DOCK7: variants seen among roughly 807,000 people sequenced by gnomAD.
DOCK7 encodes the protein dedicator of cytokinesis 7.
In DOCK7, 138 loss-of-function variants were observed where a neutral mutation model predicts 271.0. That is an observed-to-expected ratio of 0.51 (90% CI 0.44 to 0.59). The LOEUF is 0.59. Ranked by LOEUF, DOCK7 falls within the 20% of genes least tolerant of loss-of-function variation. DOCK7 has a pLI of 0.00. For missense variants in DOCK7, 2,066 were observed against 2,592.4 expected, an observed-to-expected ratio of 0.80 and a Z score of 4.41; for synonymous variants, 823 against 876.1, an observed-to-expected ratio of 0.94 and a Z score of 1.07.
chr1:62,492,951 T>A, intron 40 of DOCK7, 104 bp from the exon 41 acceptor site: 1 of 928,408 alleles, frequency 1.1e-6, no homozygotes. Context: ...CAGGTTAGGT[T>A]AAAAAAAGGA....
rs2149320798 is a variant in DOCK7, at chr1:62,504,670, G to A, written c.4724C>T (p.Ser1575Phe). 1 of 1,613,886 alleles carries A rather than the reference G, an allele frequency of 6.2e-7. No individual in the cohort carries two copies. Among genetic ancestry groups the A allele is most frequent in the Admixed American group, 1.7e-5 (1 of 59,976 alleles). The change falls in exon 37 of 50, where the codon TCC (serine) becomes TTC (phenylalanine). Residue 1575 changes from serine (S) to phenylalanine (F), a missense_variant. Physicochemically the swap from Ser to Phe is radical, Grantham distance 155. Around this residue, in one of 2 missense-constraint regions of DOCK7, gnomAD observed 652 missense variants for 922.1 expected, o/e 0.71. Coordinates refer to ENST00000635253, the MANE Select transcript of DOCK7 (RefSeq NM_001367561.1). ...IGTIRSHASASLYLLMRQNFE... is the reference protein window; with the variant it reads ...IGTIRSHASAFLYLLMRQNFE... ...GTTTTGCCTCATTAGTAGGTAAAGG[G>A]AGGCACTGGCGTGTGACCGTATTGT...
At position 62,663,061 on chromosome 1, in the gene DOCK7, G is replaced by A. The variant is rs1658854116; in HGVS notation, c.108C>T (p.Asn36=). 6.2e-7 allele frequency: 1 copy of A among 1,612,748 alleles called. No homozygotes were observed. Among genetic ancestry groups the A allele is most frequent in the African/African-American group, 1.3e-5 (1 of 74,688 alleles). The change falls in exon 2 of 50, where the codon AAC becomes AAT. Residue 36 remains asparagine (N), a synonymous_variant. Transcript: ENST00000635253. ...QYSGSPQLLK[N]LNIVGNISHH... is the part of the protein sequence containing the mutation. ...GGGATATATTGCCAACAATATTAAG[G>A]TTTTTGAGCAGTTGGGGAGAACCAC... is the stretch of plus-strand genomic sequence containing the variant.
intron 48 of DOCK7, among the ~76,000 whole-genome samples, chr1:62,469,950 A>G (rs898795430): frequency 3.3e-5 from 5 of 151,838 alleles, no homozygotes; most frequent in Admixed American, 3.3e-4. Context: ...TGCGGTAAAA[A>G]GGGAATACTT....
chr1:62,649,773 C>A (rs1239731472), intron 4 of DOCK7, among the ~76,000 whole-genome samples: 1 of 152,132 alleles, frequency 6.6e-6, no homozygotes, highest in Non-Finnish European at 1.5e-5. Flanking sequence ...ACGGTTCCAG[C>A]CACACTGTCC....
At chr1:62,626,224 A>T (rs1485220693) in intron 11 of DOCK7, among the ~76,000 whole-genome samples, 1 of 152,176 alleles carries the variant, frequency 6.6e-6, no homozygotes, top group Admixed American at 6.5e-5. Flanking sequence ...AAGCATTGCT[A>T]AAGCAGTGCT....
Position 62,653,069 on chromosome 1 carries a change from C to T in DOCK7, c.389+656G>A, listed in dbSNP as rs2149691853. ...AATGCCGTATCAGAATTCTCCACTACTTCAATCATATCTCCTTCAGAAAAA... is the reference window on the plus strand; with the variant it reads ...AATGCCGTATCAGAATTCTCCACTATTTCAATCATATCTCCTTCAGAAAAA... On this transcript the variant is annotated intron_variant, in intron 4 of 49. Transcript: ENST00000635253. Among the ~76,000 whole-genome samples, 2 of 152,288 alleles carry T rather than the reference C, an allele frequency of 1.3e-5. 1 individual carries two copies. The highest frequency in any genetic ancestry group is 1.3e-4 in the Admixed American group (2 of 15,284).
chr1:62,534,764 T>C (rs1645287290), intron 29 of DOCK7, among the ~76,000 whole-genome samples: 1 of 152,102 alleles, frequency 6.6e-6, no homozygotes, highest in South Asian at 2.1e-4. Flanking sequence ...ATAGGGCAAT[T>C]TTTGAAATAA....
intron 29 of DOCK7, among the ~76,000 whole-genome samples, chr1:62,532,022 G>A (rs1645189808): frequency 1.3e-5 from 2 of 151,844 alleles, no homozygotes; most frequent in Admixed American, 6.6e-5. Flanking sequence ...TTACATGGCT[G>A]AGAATGATTG....
At chr1:62,640,621 C>T (rs1655902698) in intron 7 of DOCK7, among the ~76,000 whole-genome samples, 1 of 152,194 alleles carries the variant, frequency 6.6e-6, no homozygotes, top group South Asian at 2.1e-4. Flanking sequence ...GGAGCAAGGG[C>T]AACGCCTATA....
At chr1:62,509,971 G>A (rs972010815) in intron 34 of DOCK7, among the ~76,000 whole-genome samples, 3 of 152,120 alleles carry the variant, frequency 2.0e-5, no homozygotes, top group African/African-American at 7.2e-5. Context: ...CATTCTCAAA[G>A]TTTTATGGGC....
chr1:62,653,971 A>C lies in DOCK7; in HGVS notation c.320+13T>G. The C allele has an allele frequency of 4.4e-6, 7 of 1,606,874 alleles. No individual in the cohort carries two copies. The highest frequency in any genetic ancestry group is 5.9e-6 in the Non-Finnish European group (7 of 1,177,300). On this transcript the variant is annotated intron_variant, in intron 3 of 49. Transcript: ENST00000635253. ...GTTCCTCTAAAGCCAAAAATAAGTCAATGTCTCCTTACCTTTCTTCAGGTA... is the reference window on the plus strand; with the variant it reads ...GTTCCTCTAAAGCCAAAAATAAGTCCATGTCTCCTTACCTTTCTTCAGGTA...
At chr1:62,629,799 A>G (rs1273447069) in intron 11 of DOCK7, 1 of 152,250 alleles carries the variant, frequency 6.6e-6, no homozygotes, top group East Asian at 1.9e-4. Flanking sequence ...GCTAATCAAT[A>G]TAAGCAAGAG....
intron 17 of DOCK7, 147 bp from the exon 18 acceptor site, chr1:62,577,510 T>C: frequency 2.4e-6 from 1 of 408,676 alleles, no homozygotes; most frequent in Non-Finnish European, 4.4e-6. Context: ...ATAATAATAA[T>C]AGGCCTTCAT....
At chr1:62,489,922 C>T (rs1294862121) in intron 41 of DOCK7, among the ~76,000 whole-genome samples, 3 of 152,146 alleles carry the variant, frequency 2.0e-5, no homozygotes, top group Admixed American at 6.5e-5. Flanking sequence ...AATCACAAAT[C>T]TTTAACAAAG....
At chr1:62,553,341 T>TATTTTTTTTTTTTAA (rs1557706394) in intron 21 of DOCK7, among the ~76,000 whole-genome samples, 1 of 3,800 alleles carries the variant, frequency 2.6e-4, no homozygotes, top group East Asian at 6.2e-3. Context: ...TATATATATA[T>TATTTTTTTTTTTTAA]ATATATATAT....
chr1:62,539,532 A>G lies in DOCK7; in HGVS notation c.3300+13T>C. 1 of 1,566,438 alleles carries G rather than the reference A, an allele frequency of 6.4e-7. No homozygotes were observed. The highest frequency in any genetic ancestry group is 8.7e-7 in the Non-Finnish European group (1 of 1,149,226). ...AATTATTTGATTACTAATTATTCCT[A>G]ACTATGCATTACCTGTTTATAGCAG... On this transcript the variant is annotated intron_variant, in intron 27 of 49. Transcript: ENST00000635253.
Position 62,688,317 on chromosome 1 carries a change from A to ACCGGCGGGCGCGTG in DOCK7, c.-67_-54dup, listed in dbSNP as rs1662100206. 3 of 1,147,524 alleles carry ACCGGCGGGCGCGTG rather than the reference A, an allele frequency of 2.6e-6. No homozygotes were observed. The South Asian group carries it at 1.2e-4, about 46-fold the overall frequency. 71.1% of individuals were successfully genotyped at this position (1,147,524 alleles called of 1,614,324 possible). On this transcript the variant is annotated 5_prime_UTR_variant, in exon 1 of 50. Coordinates refer to ENST00000635253, the MANE Select transcript of DOCK7 (RefSeq NM_001367561.1). The stretch of plus-strand genomic sequence containing the variant: ...GGCGGCTGCGGCGGGCCGGGTGCGG[A>ACCGGCGGGCGCGTG]CCGGCGGGCGCGTGCCTCCTCGCTC...
intron 14 of DOCK7, chr1:62,601,630 AG>A: frequency 5.0e-6 from 3 of 596,196 alleles, no homozygotes; most frequent in Non-Finnish European, 8.9e-6. Flanking sequence ...ACGCCATCTA[AG>A]AAAAATGCTT....
At chr1:62,506,464 A>C (rs1305623032) in intron 35 of DOCK7, among the ~76,000 whole-genome samples, 1 of 122,286 alleles carries the variant, frequency 8.2e-6, no homozygotes, top group Admixed American at 8.8e-5. Context: ...ATAATGACTG[A>C]TAAAATCTTT....
Sources: allele counts gnomAD v4.1 joint callset (sites outside exome capture counted in the v4.1 genomes callset), GRCh38; gene constraint gnomAD v4.1.1; regional missense constraint gnomAD v4.1.1; transcripts MANE v1.5; gene names NCBI Gene and HGNC (gene_info 2026-07-23, HGNC 2026-07-21).